Variants in DPP6 observed in about 807,000 individuals in gnomAD.
DPP6 encodes A-type potassium channel modulatory protein DPP6.
Under a neutral mutation model 122.6 loss-of-function variants are expected in DPP6, and 69 were observed. The observed-to-expected ratio is 0.56, with a 90% CI of 0.46 to 0.69. The LOEUF is 0.69. DPP6 is among the 30% of genes least tolerant of loss of function. DPP6 has a pLI of 0.00. For synonymous variants in DPP6, 418 were observed against 433.1 expected, an observed-to-expected ratio of 0.97 and a Z score of 0.43; for missense variants, 928 against 1,116.9, an observed-to-expected ratio of 0.83 and a Z score of 2.41.
intron 3 of DPP6, among the ~76,000 whole-genome samples, chr7:154,482,027 A>G (rs1823350202): frequency 6.6e-6 from 1 of 152,216 alleles, no homozygotes; most frequent in Non-Finnish European, 1.5e-5. Context: ...TTTTAAAGAT[A>G]AGGAAACTTA....
chr7:154,459,537 ATATAT>A (rs1277963543), intron 2 of DPP6, among the ~76,000 whole-genome samples: 1 of 152,112 alleles, frequency 6.6e-6, no homozygotes, highest in East Asian at 1.9e-4. Context: ...AACAGTAGAA[ATATAT>A]TAAATTGGCT....
intron 1 of DPP6, among the ~76,000 whole-genome samples, chr7:154,090,610 A>C (rs1299264175): frequency 6.6e-6 from 1 of 152,006 alleles, no homozygotes; most frequent in East Asian, 1.9e-4. Context: ...CATTGCCCAT[A>C]GAGGCGCCTG....
chr7:154,703,732 C>T (rs764254725), intron 7 of DPP6, among the ~76,000 whole-genome samples: 1 of 151,926 alleles, frequency 6.6e-6, no homozygotes, highest in Non-Finnish European at 1.5e-5. Context: ...GGTCAGGAAT[C>T]GACACCATCC....
At chr7:154,676,127 G>C (rs1838882519) in intron 7 of DPP6, among the ~76,000 whole-genome samples, 1 of 146,348 alleles carries the variant, frequency 6.8e-6, no homozygotes, top group African/African-American at 2.5e-5. Flanking sequence ...GCAGCATGCT[G>C]TCTGGAGGTC....
In DPP6 at chr7:154,423,401, G is replaced by T. The variant is rs567199439; in HGVS notation, c.244-22813G>T. Among the ~76,000 whole-genome samples the T allele has an allele frequency of 3.3e-5, 5 of 152,254 alleles. No individual in the cohort carries two copies. In the East Asian group the frequency reaches 7.7e-4, roughly 23 times the overall value. ...AGACACAGAGGCTCTGTCCTCAGGT[G>T]TCAGCTGGAACAAGTCATAAGCTCT... is the stretch of plus-strand genomic sequence containing the variant. On this transcript the variant is annotated intron_variant, in intron 1 of 25. Transcript: ENST00000377770.
intron 1 of DPP6, among the ~76,000 whole-genome samples, chr7:154,429,632 T>G (rs868766063): frequency 2.0e-5 from 3 of 152,308 alleles, no homozygotes; most frequent in Admixed American, 6.5e-5. Flanking sequence ...TATTTGAGTG[T>G]TATCAGGAAG....
Position 154,060,972 on chromosome 7 carries a change from C to T in DPP6, c.243+7909C>T, listed in dbSNP as rs1169661064. On this transcript the variant is annotated intron_variant, in intron 1 of 25. Transcript: ENST00000377770. ...ATCGTTGATGTTAAGATCCTTAGGACCCACCTGGAGGACTGTGGGTATTAG... is the reference window on the plus strand; with the variant it reads ...ATCGTTGATGTTAAGATCCTTAGGATCCACCTGGAGGACTGTGGGTATTAG... 4.0e-5 allele frequency among the ~76,000 whole-genome samples: 6 copies of T among 148,912 alleles called. No individual in the cohort carries two copies. In the East Asian group the frequency reaches 7.7e-4, roughly 19 times the overall value.
chr7:154,053,127 C>T (rs1800507920), intron 1 of DPP6, 64 bp downstream of exon 1: 8 of 996,288 alleles, frequency 8.0e-6, no homozygotes, highest in East Asian at 8.9e-5. Context: ...CAGCGAGACG[C>T]GTCGGCAGGG....
At chr7:153,782,469 T>C in the DPP6 span, among the ~76,000 whole-genome samples, 2 of 152,166 alleles carry the variant, frequency 1.3e-5, no homozygotes, top group Non-Finnish European at 2.9e-5. Flanking sequence ...GCAGCGGCCT[T>C]GAACAAAACA....
chr7:154,344,214 C>A (rs2151066862), intron 1 of DPP6, among the ~76,000 whole-genome samples: 1 of 152,236 alleles, frequency 6.6e-6, no homozygotes, highest in East Asian at 1.9e-4. Context: ...CCAAGCACAC[C>A]CTCACGTCTG....
At chr7:154,085,304 G>A (rs909009160) in intron 1 of DPP6, among the ~76,000 whole-genome samples, 7 of 151,886 alleles carry the variant, frequency 4.6e-5, no homozygotes, top group East Asian at 1.9e-4. Flanking sequence ...AAGCTTTTCC[G>A]GACATTCTGC....
rs1228679823 is a variant in DPP6 at position 154,607,287 on chromosome 7, C to T, written c.628-30534C>T. Among the ~76,000 whole-genome samples, 4 of 119,004 alleles carry T rather than the reference C, an allele frequency of 3.4e-5. 1 individual carries two copies. Among genetic ancestry groups the T allele is most frequent in the Non-Finnish European group, 7.5e-5 (4 of 53,186 alleles). 78.1% of individuals were successfully genotyped at this position (119,004 alleles called of 152,430 possible). ...TTGCAAGAAAAAGTTGAGCCGGGCGCGGTGGCTCACACCTATAATCCCAGC... is the reference window on the plus strand; with the variant it reads ...TTGCAAGAAAAAGTTGAGCCGGGCGTGGTGGCTCACACCTATAATCCCAGC... On this transcript the variant is annotated intron_variant, in intron 5 of 25. Coordinates refer to ENST00000377770, the MANE Select transcript of DPP6 (RefSeq NM_130797.4).
At chr7:153,928,764 A>T (rs188764012) in intron 1 of DPP6, among the ~76,000 whole-genome samples, 3 of 152,250 alleles carry the variant, frequency 2.0e-5, no homozygotes, top group Admixed American at 2.0e-4. Context: ...TTTGCACCAT[A>T]GCAGACTTAC....
chr7:153,776,998 C>T, the DPP6 span, among the ~76,000 whole-genome samples: 1 of 152,162 alleles, frequency 6.6e-6, no homozygotes, highest in Non-Finnish European at 1.5e-5. Flanking sequence ...TGACAAAGGA[C>T]TTGTATCTAG....
intron 1 of DPP6, among the ~76,000 whole-genome samples, chr7:154,269,542 A>C (rs1385251279): frequency 6.6e-6 from 1 of 152,176 alleles, no homozygotes; most frequent in Non-Finnish European, 1.5e-5. Flanking sequence ...CAAGCTTTGC[A>C]CTTAGATATG....
intron 10 of DPP6, among the ~76,000 whole-genome samples, chr7:154,779,086 A>ACC (rs1563201286): frequency 9.3e-4 from 5 of 5,374 alleles, no homozygotes; most frequent in Non-Finnish European, 1.5e-3. Flanking sequence ...TCACCTCCAC[A>ACC]ACCTCTACCA....
At chr7:153,807,593 A>G in the DPP6 span, among the ~76,000 whole-genome samples, 3 of 152,034 alleles carry the variant, frequency 2.0e-5, no homozygotes, top group Non-Finnish European at 4.4e-5. Flanking sequence ...CTTTCCTGAA[A>G]GTTTACAACA....
At chr7:154,261,620 A>G (rs932009029) in intron 1 of DPP6, among the ~76,000 whole-genome samples, 1 of 152,196 alleles carries the variant, frequency 6.6e-6, no homozygotes, top group African/African-American at 2.4e-5. Context: ...GAGTGGGGGA[A>G]AATCTTCACA....
At chr7:154,700,249 G>C (rs538114410) in intron 7 of DPP6, among the ~76,000 whole-genome samples, 1 of 152,188 alleles carries the variant, frequency 6.6e-6, no homozygotes, top group Non-Finnish European at 1.5e-5. Context: ...AATATTTAGC[G>C]TCAAGTTTCT....
Sources: allele counts gnomAD v4.1 joint callset (sites outside exome capture counted in the v4.1 genomes callset), GRCh38; gene constraint gnomAD v4.1.1; transcripts MANE v1.5; gene names NCBI Gene and HGNC (gene_info 2026-07-23, HGNC 2026-07-21).